The following GPR155 variants were observed in gnomAD, a reference collection of about 807,000 sequenced individuals.
The protein encoded by GPR155 is lysosomal cholesterol signaling protein.
A neutral mutation model predicts 93.1 loss-of-function variants in GPR155; 65 were observed. The observed-to-expected ratio is 0.70, with a 90% confidence interval of 0.57 to 0.86. GPR155 has a LOEUF of 0.86. Ranked by LOEUF, GPR155 falls within the 40% of genes least tolerant of loss-of-function variation. The pLI is 0.00. For synonymous variants in GPR155, 319 were observed against 360.1 expected, an observed-to-expected ratio of 0.89 and a Z score of 1.29; for missense variants, 838 against 1,034.8, an observed-to-expected ratio of 0.81 and a Z score of 2.61.
At chr2:174,453,668 G>GAA (rs10687822) in intron 11 of GPR155, 69 bp downstream of exon 11, 700 of 512,756 alleles carry the variant, frequency 1.4e-3, no homozygotes, top group African/African-American at 6.4e-3. Flanking sequence ...TCAAAAAAAA[G>GAA]AAAAAAAAAA....
chr2:174,478,300 G>A (rs1013783517), intron 2 of GPR155, among the ~76,000 whole-genome samples: 36 of 152,178 alleles, frequency 2.4e-4, no homozygotes, highest in Non-Finnish European at 2.1e-4. Context: ...AGCCATCTGC[G>A]GCCTTGAACT....
intron 4 of GPR155, among the ~76,000 whole-genome samples, chr2:174,470,091 G>A (rs1057074876): frequency 3.9e-5 from 6 of 152,084 alleles, no homozygotes; most frequent in South Asian, 4.1e-4. Flanking sequence ...CAAACTCCTG[G>A]CCTCAAGTGG....
At chr2:174,480,332 A>G (rs1366780829) in intron 2 of GPR155, among the ~76,000 whole-genome samples, 1 of 152,186 alleles carries the variant, frequency 6.6e-6, no homozygotes, top group Non-Finnish European at 1.5e-5. Flanking sequence ...TATGTGCAAT[A>G]ACTTTGTTCA....
intron 1 of GPR155, among the ~76,000 whole-genome samples, chr2:174,486,212 G>A (rs917032254): frequency 4.6e-5 from 7 of 152,130 alleles, no homozygotes; most frequent in Non-Finnish European, 1.5e-5. Context: ...CCTCCCTAGA[G>A]ACCCAGGGTA....
intron 3 of GPR155, 128 bp from the exon 4 acceptor site, chr2:174,470,683 T>A: frequency 1.6e-6 from 1 of 638,628 alleles, no homozygotes; most frequent in Admixed American, 3.1e-5. Flanking sequence ...ATGCACATAT[T>A]CTGTGCATGT....
intron 15 of GPR155, among the ~76,000 whole-genome samples, chr2:174,437,819 G>A (rs1446578483): frequency 2.6e-5 from 4 of 151,498 alleles, no homozygotes; most frequent in African/African-American, 9.7e-5. Context: ...CCCGACCTCA[G>A]GTGATCTGCC....
In GPR155 at chr2:174,439,915, G is replaced by A; in HGVS notation, c.2295C>T (p.Asn765=). Residue 765 remains asparagine (N), a synonymous_variant, in exon 15 of 16, where the codon AAC becomes AAT. Coordinates refer to ENST00000392552, the MANE Select transcript of GPR155 (RefSeq NM_152529.7). ...TTGCTTACCTTCTTTCTTTGACAAT[G>A]TTTCGGATACAGAGGTCACGGTGAT... ...IHYHRDLCIR[N]IVKERRCGAK... 6.2e-7 allele frequency: 1 copy of A among 1,612,646 alleles called. No homozygotes were observed. The highest frequency in any genetic ancestry group is 8.5e-7 in the Non-Finnish European group (1 of 1,179,144).
At chr2:174,469,326 T>C (rs532041069) in intron 4 of GPR155, among the ~76,000 whole-genome samples, 2 of 152,332 alleles carry the variant, frequency 1.3e-5, no homozygotes, top group South Asian at 4.1e-4. Flanking sequence ...AAATTTACTG[T>C]TGATGGTTAG....
At chr2:174,462,761 A>G (rs966629879) in intron 7 of GPR155, among the ~76,000 whole-genome samples, 2 of 152,258 alleles carry the variant, frequency 1.3e-5, no homozygotes, top group African/African-American at 4.8e-5. Flanking sequence ...CACACTCTGA[A>G]TTTAATACAA....
chr2:174,442,119 CT>C lies in GPR155; in HGVS notation c.2173del (p.Arg725AspfsTer23). 7.7e-7 allele frequency: 1 copy of C among 1,304,804 alleles called. No individual in the cohort carries two copies. Among genetic ancestry groups the C allele is most frequent in the Non-Finnish European group, 1.1e-6 (1 of 899,690 alleles). The allele number at this position is 1,304,804 out of a possible 1,614,324, so 80.8% of individuals were successfully genotyped here. A position where few individuals can be genotyped will look rare whatever the true frequency, so the allele number is the denominator to read the frequency against. ...AGATTTATTTCAAAACTTAATTTAC[CT>C]TCTTTTGAAAGGCAGGATGATTAAA... ...KHLIILPFKR[R>X]LEFLWNNKDT... On this transcript the variant is annotated frameshift_variant and splice_region_variant, in exon 14 of 16. Coordinates refer to ENST00000392552, the MANE Select transcript of GPR155 (RefSeq NM_152529.7). LOFTEE classifies it high-confidence loss of function.
In GPR155 at chr2:174,455,439, G is replaced by A. The variant is rs77393262; in HGVS notation, c.1772-1598C>T. On this transcript the variant is annotated intron_variant, in intron 10 of 15. Coordinates refer to ENST00000392552, the MANE Select transcript of GPR155 (RefSeq NM_152529.7). Reference sequence around the variant, plus strand: ...CTACGTGCAGCGCTTTGGGCATCACGGGCACTGCAAGGCCCTTGCAGCCTC... The same window carrying A: ...CTACGTGCAGCGCTTTGGGCATCACAGGCACTGCAAGGCCCTTGCAGCCTC... Among the ~76,000 whole-genome samples, 504 of 152,296 alleles carry A rather than the reference G, an allele frequency of 3.3e-3. 6 individuals carry two copies. Among genetic ancestry groups the A allele is most frequent in the East Asian group, 0.02 (103 of 5,172 alleles).
chr2:174,439,162 T>A (rs1686878218), intron 15 of GPR155, among the ~76,000 whole-genome samples: 1 of 152,118 alleles, frequency 6.6e-6, no homozygotes, highest in Non-Finnish European at 1.5e-5. Context: ...TGGCATAATA[T>A]ATGTAAATAA....
At chr2:174,479,129 G>A (rs1331686991) in intron 2 of GPR155, among the ~76,000 whole-genome samples, 1 of 152,126 alleles carries the variant, frequency 6.6e-6, no homozygotes, top group Non-Finnish European at 1.5e-5. Flanking sequence ...GGAAATTTGG[G>A]CTGGCACACG....
intron 1 of GPR155, chr2:174,482,887 C>G (rs905596569): frequency 6.6e-6 from 1 of 152,142 alleles, no homozygotes; most frequent in Non-Finnish European, 1.5e-5. Flanking sequence ...TGGGAACTTG[C>G]GATTATTCCA....
At position 174,450,060 on chromosome 2, in the gene GPR155, G is replaced by A. The variant is rs576662578; in HGVS notation, c.1877-3313C>T. 3.3e-5 allele frequency among the ~76,000 whole-genome samples: 5 copies of A among 151,998 alleles called. No homozygotes were observed. In the East Asian group the frequency reaches 9.7e-4, roughly 29 times the overall value. ...ACTTGGTAGGCTGAGGTGGGATGAT[G>A]GCTTGAGCCTAGAAGGCAACAGTTG... is the stretch of plus-strand genomic sequence containing the variant. On this transcript the variant is annotated intron_variant, in intron 11 of 15. Transcript: ENST00000392552.
At chr2:174,448,538 T>A (rs1329201450) in intron 11 of GPR155, among the ~76,000 whole-genome samples, 3 of 144,056 alleles carry the variant, frequency 2.1e-5, no homozygotes, top group Non-Finnish European at 4.5e-5. Flanking sequence ...TTGTTTTTTT[T>A]TTTTTTTTTT....
chr2:174,482,069 T>C, intron 1 of GPR155, 82 bp from the exon 2 acceptor site: 1 of 711,516 alleles, frequency 1.4e-6, no homozygotes, highest in East Asian at 2.6e-5. Flanking sequence ...CCTAGATTTG[T>C]TTACTTATTA....
At chr2:174,462,745 T>C (rs1469718513) in intron 7 of GPR155, among the ~76,000 whole-genome samples, 1 of 152,266 alleles carries the variant, frequency 6.6e-6, no homozygotes. Context: ...TAGCACTTAA[T>C]ACAAACACAC....
rs1686713487 is a variant in GPR155, at chr2:174,434,320, T to A, written c.*1796A>T. The stretch of plus-strand genomic sequence containing the variant: ...GCTTGAACTATATAGTTTTTTTTTT[T>A]TTAACTACAGGGAATAAAGTAGAAG... On this transcript the variant is annotated 3_prime_UTR_variant, in exon 16 of 16. Transcript: ENST00000392552. 1 of 151,762 alleles carries A rather than the reference T, an allele frequency of 6.6e-6. No homozygotes were observed. The highest frequency in any genetic ancestry group is 6.6e-5 in the Admixed American group (1 of 15,216). The allele number at this position is 151,762 out of a possible 1,614,324, so 9.4% of individuals were successfully genotyped here.
Sources: gnomAD v4.1 joint callset for allele counts (sites outside exome capture counted in the v4.1 genomes callset) on GRCh38, gnomAD v4.1.1 for gene constraint, MANE v1.5 for transcripts, NCBI Gene and HGNC (gene_info 2026-07-23, HGNC 2026-07-21) for gene names.